Variants in MACROD2 observed in about 807,000 individuals in gnomAD.
The protein encoded by MACROD2 is mono-ADP ribosylhydrolase 2, also known as ADP-ribose glycohydrolase MACROD2.
A neutral mutation model predicts 70.4 loss-of-function variants in MACROD2; 36 were observed. The ratio of observed to expected loss-of-function variants is 0.51; its 90% confidence interval spans 0.39 to 0.68. The LOEUF (loss-of-function observed/expected upper bound fraction) is 0.68, where lower values mean the gene tolerates loss of function less well. Among genes scored for constraint, MACROD2 ranks in the 30% least tolerant of loss-of-function variants. MACROD2 has a pLI of 0.00. For synonymous variants in MACROD2, 172 were observed against 178.8 expected (o/e 0.96, Z 0.30); for missense variants, 496 against 538.4 (o/e 0.92, Z 0.78).
rs1225889 is a variant in MACROD2 at position 16,051,611 on chromosome 20, G to A, written c.*1735G>A. 150,861 of 152,344 alleles carry A rather than the reference G, an allele frequency of 0.99. 74,713 individuals are homozygous for A. The highest frequency in any genetic ancestry group is 1 in the East Asian group (5,180 of 5,180). The allele number at this position is 152,344 out of a possible 1,614,324, so 9.4% of individuals were successfully genotyped here. Reference sequence around the variant, plus strand: ...GGAAGCATCTATATCCTCTATTGCCGTTAGATGTTGTTGCTTTTCAGAAAA... The same window carrying A: ...GGAAGCATCTATATCCTCTATTGCCATTAGATGTTGTTGCTTTTCAGAAAA... On this transcript the variant is annotated 3_prime_UTR_variant, in exon 18 of 18. Transcript: ENST00000684519.
At chr20:15,317,467 T>G (rs1460401958) in intron 6 of MACROD2, among the ~76,000 whole-genome samples, 2 of 150,458 alleles carry the variant, frequency 1.3e-5, no homozygotes, top group Non-Finnish European at 3.0e-5. Flanking sequence ...TATCTATATC[T>G]CTGTCCATCC....
chr20:15,518,208 T>A (rs1380874111), intron 8 of MACROD2, among the ~76,000 whole-genome samples: 1 of 152,222 alleles, frequency 6.6e-6, no homozygotes, highest in African/African-American at 2.4e-5. Context: ...GCTGAGATGA[T>A]AGTGGTCAAA....
At chr20:16,045,262 C>T (rs945315416) in intron 17 of MACROD2, among the ~76,000 whole-genome samples, 3 of 152,038 alleles carry the variant, frequency 2.0e-5, no homozygotes, top group Non-Finnish European at 4.4e-5. Flanking sequence ...AAGCCTGGTC[C>T]AGATCATGTT....
In MACROD2 at chr20:14,467,440, T is replaced by A. The variant is rs181110502; in HGVS notation, c.272-26039T>A. 2.3e-4 allele frequency among the ~76,000 whole-genome samples: 35 copies of A among 152,232 alleles called. 1 individual carries two copies. Among genetic ancestry groups the A allele is most frequent in the Admixed American group, 1.6e-3 (25 of 15,296 alleles). On this transcript the variant is annotated intron_variant, in intron 3 of 17. Transcript: ENST00000684519. Reference sequence around the variant, plus strand: ...TTTTCCAGGTGCCATCTGTCACCCCTTTCTTTGACTAGGAAAAGGAATTCC... The same window carrying A: ...TTTTCCAGGTGCCATCTGTCACCCCATTCTTTGACTAGGAAAAGGAATTCC...
chr20:15,290,958 T>A (rs2077536296), intron 6 of MACROD2, among the ~76,000 whole-genome samples: 1 of 152,150 alleles, frequency 6.6e-6, no homozygotes, highest in South Asian at 2.1e-4. Flanking sequence ...TGCAATAAAA[T>A]GAAAACATGA....
At chr20:14,231,451 C>T (rs959413976) in intron 3 of MACROD2, among the ~76,000 whole-genome samples, 1 of 152,100 alleles carries the variant, frequency 6.6e-6, no homozygotes, top group Admixed American at 6.5e-5. Context: ...CATCCATGTC[C>T]CCACAAAGGA....
intron 8 of MACROD2, among the ~76,000 whole-genome samples, chr20:15,736,787 G>T (rs1364390400): frequency 6.6e-6 from 1 of 152,164 alleles, no homozygotes; most frequent in Non-Finnish European, 1.5e-5. Context: ...GTAGCCATTG[G>T]CTCCACAAGA....
intron 5 of MACROD2, among the ~76,000 whole-genome samples, chr20:14,946,825 C>T (rs746608221): frequency 2.0e-5 from 3 of 152,066 alleles, no homozygotes; most frequent in African/African-American, 7.2e-5. Context: ...TTTCATTCCA[C>T]GTGATTTATT....
In MACROD2 at chr20:14,844,458, G is replaced by A. The variant is rs1345344505; in HGVS notation, c.418+159499G>A. Reference sequence around the variant, plus strand: ...CTTGAACCCAGGAGATGGATGTTGCGGTGAGCCAAGATGGCGCCACTGCAC... The same window carrying A: ...CTTGAACCCAGGAGATGGATGTTGCAGTGAGCCAAGATGGCGCCACTGCAC... On this transcript the variant is annotated intron_variant, in intron 5 of 17. Coordinates refer to ENST00000684519, the MANE Select transcript of MACROD2 (RefSeq NM_001351661.2). Among the ~76,000 whole-genome samples the A allele has an allele frequency of 6.6e-5, 10 of 151,794 alleles. No individual in the cohort carries two copies. The East Asian group carries it at 1.2e-3, about 18-fold the overall frequency.
intron 3 of MACROD2, among the ~76,000 whole-genome samples, chr20:14,146,430 G>T (rs1488119293): frequency 1.3e-5 from 2 of 152,130 alleles, no homozygotes; most frequent in African/African-American, 2.4e-5. Flanking sequence ...TTCTAGTTCT[G>T]CCCCTTCTCC....
chr20:15,508,226 C>T, intron 8 of MACROD2, among the ~76,000 whole-genome samples: 1 of 151,592 alleles, frequency 6.6e-6, no homozygotes, highest in South Asian at 2.1e-4. Flanking sequence ...GTCCATTATG[C>T]CCCACTGTAT....
At chr20:14,421,710 C>T (rs1052258204) in intron 3 of MACROD2, among the ~76,000 whole-genome samples, 6 of 151,820 alleles carry the variant, frequency 4.0e-5, no homozygotes. Context: ...ATGAATTTTC[C>T]TATTTTCCTT....
At chr20:16,016,692 C>T (rs572525425) in intron 15 of MACROD2, among the ~76,000 whole-genome samples, 8 of 152,226 alleles carry the variant, frequency 5.3e-5, no homozygotes, top group East Asian at 1.9e-4. Flanking sequence ...CCTACTACCA[C>T]GCCTGGATAA....
At chr20:14,878,109 T>A (rs1457809704) in intron 5 of MACROD2, among the ~76,000 whole-genome samples, 1 of 152,150 alleles carries the variant, frequency 6.6e-6, no homozygotes, top group Admixed American at 6.5e-5. Flanking sequence ...CTTTCATTCA[T>A]CAAAGAGAAT....
chr20:15,051,461 G>A (rs1390961398), intron 5 of MACROD2, among the ~76,000 whole-genome samples: 2 of 151,244 alleles, frequency 1.3e-5, no homozygotes, highest in East Asian at 3.9e-4. Context: ...AACTCCATAG[G>A]GCAGGCAGGA....
intron 3 of MACROD2, among the ~76,000 whole-genome samples, chr20:14,469,394 C>G (rs145681746): frequency 6.6e-6 from 1 of 151,762 alleles, no homozygotes; most frequent in African/African-American, 2.4e-5. Context: ...GTGAATCTGA[C>G]GATTACGTGT....
intron 4 of MACROD2, among the ~76,000 whole-genome samples, chr20:14,658,367 T>A (rs995008725): frequency 5.9e-5 from 9 of 152,198 alleles, no homozygotes; most frequent in Non-Finnish European, 1.3e-4. Flanking sequence ...CTTAATACTT[T>A]CTGGAGTAAG....
At chr20:14,488,855 T>G (rs1232387391) in intron 3 of MACROD2, among the ~76,000 whole-genome samples, 1 of 152,212 alleles carries the variant, frequency 6.6e-6, no homozygotes, top group Non-Finnish European at 1.5e-5. Flanking sequence ...TAGAAGTCAC[T>G]GAGTACCTAG....
At chr20:15,191,699 C>A (rs774202950) in intron 5 of MACROD2, among the ~76,000 whole-genome samples, 1 of 152,184 alleles carries the variant, frequency 6.6e-6, no homozygotes, top group Non-Finnish European at 1.5e-5. Flanking sequence ...GAAATATTTT[C>A]TGTCGGCTAT....
Sources: allele counts gnomAD v4.1 joint callset (sites outside exome capture counted in the v4.1 genomes callset), GRCh38; gene constraint gnomAD v4.1.1; transcripts MANE v1.5; gene names NCBI Gene and HGNC (gene_info 2026-07-23, HGNC 2026-07-21).